Variants in GOLGB1 observed in about 807,000 individuals in gnomAD.
GOLGB1 encodes the protein golgin subfamily B member 1.
In GOLGB1, 174 loss-of-function variants were observed where a neutral mutation model predicts 336.9. The observed-to-expected ratio is 0.52, with a 90% CI of 0.46 to 0.59. The LOEUF (loss-of-function observed/expected upper bound fraction) is 0.59. Ranked by LOEUF, GOLGB1 falls within the 20% of genes least tolerant of loss-of-function variation. The pLI is 0.00. For missense variants in GOLGB1, 3,331 were observed against 3,645.3 expected (o/e 0.91, Z 2.22); for synonymous variants, 1,208 against 1,289.2 (o/e 0.94, Z 1.35).
intron 1 of GOLGB1, among the ~76,000 whole-genome samples, chr3:121,739,607 T>TA (rs796072162): frequency 6.0e-5 from 9 of 151,204 alleles, no homozygotes; most frequent in African/African-American, 2.2e-4. Flanking sequence ...ACCATGTCAT[T>TA]AAAAAAAAGC....
At position 121,695,252 on chromosome 3, in the gene GOLGB1, T is replaced by TA. The variant is rs1328013465; in HGVS notation, c.5270dup (p.Ser1758LysfsTer2). ...GCTTTAAATCTTGAACCTCTTCACT[T>TA]AGAGAGTCTTTCTCAGACATTAAAG... is the stretch of plus-strand genomic sequence containing the variant. On this transcript the variant is annotated frameshift_variant, in exon 13 of 22. Transcript: ENST00000614479. LOFTEE classifies it high-confidence loss of function. 2 of 1,613,642 alleles carry TA rather than the reference T, an allele frequency of 1.2e-6. No individual in the cohort carries two copies. Among genetic ancestry groups the TA allele is most frequent in the African/African-American group, 1.3e-5 (1 of 74,914 alleles).
At chr3:121,718,241 A>G in intron 8 of GOLGB1, 147 bp downstream of exon 8, 1 of 607,834 alleles carries the variant, frequency 1.6e-6, no homozygotes, top group Non-Finnish European at 3.0e-6. Context: ...CATCCCCACC[A>G]CTTAAGTACG....
At chr3:121,727,809 G>A (rs1945789927) in intron 4 of GOLGB1, among the ~76,000 whole-genome samples, 1 of 152,068 alleles carries the variant, frequency 6.6e-6, no homozygotes, top group African/African-American at 2.4e-5. Context: ...ACATAAGTCA[G>A]TCAAGCACCT....
intron 5 of GOLGB1, among the ~76,000 whole-genome samples, chr3:121,725,065 A>G (rs1448150749): frequency 6.6e-6 from 1 of 152,198 alleles, no homozygotes; most frequent in Non-Finnish European, 1.5e-5. Flanking sequence ...CAGGGGGCTC[A>G]GGCAGAGGCT....
At chr3:121,703,702 A>C (rs1390883655) in intron 10 of GOLGB1, among the ~76,000 whole-genome samples, 2 of 152,216 alleles carry the variant, frequency 1.3e-5, no homozygotes, top group Non-Finnish European at 2.9e-5. Flanking sequence ...ATAACAAAAT[A>C]AAATCTTGAG....
chr3:121,698,148 T>C lies in GOLGB1; in HGVS notation c.2375A>G (p.Gln792Arg), dbSNP rs564614756. Residue 792 changes from glutamine (Q) to arginine (R), a missense_variant, in exon 13 of 22, where the codon CAA (glutamine) becomes CGA (arginine). Gln to Arg is a conservative substitution (Grantham distance 43, BLOSUM62 1). Transcript: ENST00000614479. ...ERQRRLDYES[Q>R]TAHDNLLTEQ... Reference sequence around the variant, plus strand: ...AGTGAGCAGGTTGTCATGGGCAGTTTGGCTTTCATAATCAAGTCTTCTTTG... The same window carrying C: ...AGTGAGCAGGTTGTCATGGGCAGTTCGGCTTTCATAATCAAGTCTTCTTTG... 3 of 1,613,858 alleles carry C rather than the reference T, an allele frequency of 1.9e-6. No homozygotes were observed. The South Asian group carries it at 3.3e-5, about 18-fold the overall frequency.
At chr3:121,673,938 C>T (rs1939949974) in intron 17 of GOLGB1, among the ~76,000 whole-genome samples, 1 of 152,180 alleles carries the variant, frequency 6.6e-6, no homozygotes, top group African/African-American at 2.4e-5. Context: ...CAAGACTGGT[C>T]TCAAACTCCT....
Position 121,698,944 on chromosome 3 carries a change from GA to G in GOLGB1, c.1594-16del, listed in dbSNP as rs750315375. The G allele has an allele frequency of 7.2e-5, 104 of 1,439,096 alleles. No homozygotes were observed. Among genetic ancestry groups the G allele is most frequent in the Non-Finnish European group, 6.9e-5 (75 of 1,085,278 alleles). 89.1% of individuals were successfully genotyped at this position (1,439,096 alleles called of 1,614,324 possible). A position where few individuals can be genotyped will look rare whatever the true frequency, so the allele number is the denominator to read the frequency against. ...ACAATGCTGATCTATTTTTAAAAAA[GA>G]AAAAAAAAGCTGTAATCAAATGTTT... On this transcript the variant is annotated splice_polypyrimidine_tract_variant and intron_variant, in intron 12 of 21. Transcript: ENST00000614479.
intron 7 of GOLGB1, 78 bp downstream of exon 7, chr3:121,719,568 G>A: frequency 8.5e-7 from 1 of 1,175,826 alleles, no homozygotes; most frequent in South Asian, 1.6e-5. Flanking sequence ...AGAGCAGTGG[G>A]TAAGGGTAGG....
At chr3:121,671,977 A>C (rs1047591831) in intron 17 of GOLGB1, among the ~76,000 whole-genome samples, 3 of 152,160 alleles carry the variant, frequency 2.0e-5, no homozygotes, top group Non-Finnish European at 4.4e-5. Context: ...ACAGAATTTC[A>C]TACCTCTAAA....
intron 10 of GOLGB1, among the ~76,000 whole-genome samples, chr3:121,710,635 T>A (rs1210673773): frequency 1.3e-5 from 2 of 152,130 alleles, no homozygotes; most frequent in Admixed American, 6.6e-5. Context: ...GTCCAGAAGT[T>A]CTGTACCAGC....
intron 17 of GOLGB1, among the ~76,000 whole-genome samples, chr3:121,673,660 T>G (rs1939887774): frequency 6.6e-6 from 1 of 152,158 alleles, no homozygotes; most frequent in Admixed American, 6.5e-5. Context: ...TATTTTAAAT[T>G]CTTTGTAGCT....
At chr3:121,685,026 C>G (rs145307068) in intron 14 of GOLGB1, among the ~76,000 whole-genome samples, 1 of 152,084 alleles carries the variant, frequency 6.6e-6, no homozygotes. Context: ...GGCAGTAAAT[C>G]TGAGGTTAAA....
At chr3:121,699,491 T>C (rs1943215049) in intron 12 of GOLGB1, among the ~76,000 whole-genome samples, 1 of 152,174 alleles carries the variant, frequency 6.6e-6, no homozygotes, top group Admixed American at 6.6e-5. Context: ...GCCAGTCTTA[T>C]CTAATCTCTT....
rs995383959 is a variant in GOLGB1, at chr3:121,698,126, G to C, written c.2397C>G (p.Leu799=). ...YESQTAHDNL[L]TEQIHSLSIE... The stretch of plus-strand genomic sequence containing the variant: ...TGCTGAGACTATGGATCTGTTCAGT[G>C]AGCAGGTTGTCATGGGCAGTTTGGC... The change falls in exon 13 of 22, where the codon CTC becomes CTG. Residue 799 remains leucine (L), a synonymous_variant. Coordinates refer to ENST00000614479, the MANE Select transcript of GOLGB1 (RefSeq NM_001366282.2). The C allele has an allele frequency of 1.9e-5, 30 of 1,613,698 alleles. No homozygotes were observed. The highest frequency in any genetic ancestry group is 2.3e-5 in the Non-Finnish European group (27 of 1,179,918).
At chr3:121,685,969 T>C (rs900736923) in intron 14 of GOLGB1, among the ~76,000 whole-genome samples, 1 of 152,228 alleles carries the variant, frequency 6.6e-6, no homozygotes, top group Non-Finnish European at 1.5e-5. Flanking sequence ...TATCCTAGAA[T>C]GGACCATCAG....
At chr3:121,749,424 C>T (rs1288397630) in intron 1 of GOLGB1, among the ~76,000 whole-genome samples, 1 of 152,170 alleles carries the variant, frequency 6.6e-6, no homozygotes, top group Non-Finnish European at 1.5e-5. Flanking sequence ...GAAGGCCCAC[C>T]GGAGAGGCCG....
chr3:121,747,384 CGT>C (rs1491221905), intron 1 of GOLGB1, among the ~76,000 whole-genome samples: 2 of 136,724 alleles, frequency 1.5e-5, no homozygotes, highest in Admixed American at 7.3e-5. Flanking sequence ...TGTCTATATA[CGT>C]ATATATATAC....
Position 121,698,375 on chromosome 3 carries a change from T to G in GOLGB1, c.2148A>C (p.Leu716Phe). 2 of 1,613,656 alleles carry G rather than the reference T, an allele frequency of 1.2e-6. No individual in the cohort carries two copies. Among genetic ancestry groups the G allele is most frequent in the East Asian group, 4.5e-5 (2 of 44,886 alleles). The change falls in exon 13 of 22, where the codon TTA (leucine) becomes TTC (phenylalanine). Residue 716 changes from leucine (L) to phenylalanine (F), a missense_variant. Physicochemically the swap from Leu to Phe is conservative, Grantham distance 22. Coordinates refer to ENST00000614479, the MANE Select transcript of GOLGB1 (RefSeq NM_001366282.2). ...TGCTAATTTCCTTAGCTTTCTCATC[T>G]AAATTTTTCTCATAGATTTCTTGTG... ...HKAQEIYEKN[L>F]DEKAKEISNL...
Sources: allele counts gnomAD v4.1 joint callset (sites outside exome capture counted in the v4.1 genomes callset), GRCh38; gene constraint gnomAD v4.1.1; transcripts MANE v1.5; gene names NCBI Gene and HGNC (gene_info 2026-07-23, HGNC 2026-07-21).